The following SMOC2 variants were observed in gnomAD, a reference collection of about 807,000 sequenced individuals.
SMOC2 encodes the protein SPARC related modular calcium binding 2, also known as SPARC-related modular calcium-binding protein 2.
Under a neutral mutation model 61.4 loss-of-function variants are expected in SMOC2, and 39 were observed. The ratio of observed to expected loss-of-function variants is 0.64; its 90% confidence interval spans 0.49 to 0.83. The LOEUF is 0.83. Ranked by LOEUF, SMOC2 falls within the 40% of genes least tolerant of loss-of-function variation. The pLI is 0.00. For missense variants in SMOC2, 556 were observed against 592.9 expected, an observed-to-expected ratio of 0.94 and a Z score of 0.65; for synonymous variants, 247 against 239.9, an observed-to-expected ratio of 1.03 and a Z score of -0.27.
At chr6:168,601,039 C>G (rs1422409815) in intron 8 of SMOC2, among the ~76,000 whole-genome samples, 1 of 152,204 alleles carries the variant, frequency 6.6e-6, no homozygotes, top group Non-Finnish European at 1.5e-5. Flanking sequence ...AAAATATGAT[C>G]TCTTAAATGT....
rs1417100018 is a variant in SMOC2, at chr6:168,584,038, C to A, written c.638-14780C>A. 2.6e-5 allele frequency among the ~76,000 whole-genome samples: 4 copies of A among 152,350 alleles called. No homozygotes were observed. The East Asian group carries it at 7.7e-4, about 29-fold the overall frequency. ...GGAGGTAAACAAACTCTAGTCCCTA[C>A]ACGTCAGAGCAGCACAGCAGCAGGC... On this transcript the variant is annotated intron_variant, in intron 7 of 12. Transcript: ENST00000356284.
intron 1 of SMOC2, among the ~76,000 whole-genome samples, chr6:168,461,167 A>G (rs1287251305): frequency 6.6e-6 from 1 of 152,212 alleles, no homozygotes; most frequent in Non-Finnish European, 1.5e-5. Context: ...GCAGGAGGCA[A>G]AGAGAGCTTG....
At chr6:168,626,748 C>T (rs192678018) in intron 9 of SMOC2, among the ~76,000 whole-genome samples, 15 of 152,298 alleles carry the variant, frequency 9.8e-5, no homozygotes, top group Middle Eastern at 3.4e-3. Context: ...TTGGAGAGTG[C>T]GCCAGGAAGT....
intron 12 of SMOC2, chr6:168,664,817 G>C (rs940148463): frequency 2.1e-6 from 1 of 470,904 alleles, no homozygotes; most frequent in Non-Finnish European, 4.4e-6. Flanking sequence ...AACATGAGTG[G>C]GTTCATGTCT....
chr6:168,502,870 G>A (rs954309163), intron 1 of SMOC2, among the ~76,000 whole-genome samples: 10 of 151,900 alleles, frequency 6.6e-5, no homozygotes, highest in African/African-American at 2.4e-5. Flanking sequence ...GGGTTTAAGC[G>A]ATTATCCTGC....
intron 8 of SMOC2, among the ~76,000 whole-genome samples, chr6:168,602,867 G>T (rs4429920): frequency 0.47 from 71,354 of 151,868 alleles, 17,019 homozygotes; most frequent in Admixed American, 0.57. Flanking sequence ...GGCTGGGGAG[G>T]GTTGTTTCAG....
At chr6:168,509,805 C>G (rs1018236163) in intron 1 of SMOC2, 110 bp from the exon 2 acceptor site, 81 of 1,112,200 alleles carry the variant, frequency 7.3e-5, no homozygotes, top group Middle Eastern at 2.8e-4. Context: ...GGTGTTATCC[C>G]TCAAGCTTTC....
chr6:168,642,030 T>C (rs1295438738), intron 9 of SMOC2, among the ~76,000 whole-genome samples: 1 of 152,250 alleles, frequency 6.6e-6, no homozygotes, highest in Non-Finnish European at 1.5e-5. Context: ...TGTGAAGTTT[T>C]ATGCTTTTTC....
chr6:168,533,014 T>C (rs139237429), intron 4 of SMOC2, among the ~76,000 whole-genome samples: 41 of 150,398 alleles, frequency 2.7e-4, no homozygotes, highest in Admixed American at 4.0e-4. Flanking sequence ...AATTTATAAT[T>C]TGGTTTTAAT....
In SMOC2 at chr6:168,587,739, G is replaced by A. The variant is rs116298237; in HGVS notation, c.638-11079G>A. Among the ~76,000 whole-genome samples the A allele has an allele frequency of 3.1e-3, 472 of 152,284 alleles. 2 individuals are homozygous for A. Among genetic ancestry groups the A allele is most frequent in the African/African-American group, 0.011 (453 of 41,554 alleles). ...TGGGAATTTCCTGCAGGCAAACAGC[G>A]AGGGAGGTCTGTAGCTTTTTTACCT... is the stretch of plus-strand genomic sequence containing the variant. On this transcript the variant is annotated intron_variant, in intron 7 of 12. Transcript: ENST00000356284.
At chr6:168,491,519 T>G (rs1044386519) in intron 1 of SMOC2, among the ~76,000 whole-genome samples, 4 of 152,106 alleles carry the variant, frequency 2.6e-5, no homozygotes, top group Non-Finnish European at 4.4e-5. Flanking sequence ...GTATTTGGGA[T>G]CAATTCAGCT....
At chr6:168,626,726 G>A (rs972614827) in intron 9 of SMOC2, among the ~76,000 whole-genome samples, 2 of 152,198 alleles carry the variant, frequency 1.3e-5, no homozygotes, top group Admixed American at 6.5e-5. Context: ...TGTGTTTAAC[G>A]GCCTGTGTAT....
At chr6:168,481,060 A>G (rs1269758614) in intron 1 of SMOC2, among the ~76,000 whole-genome samples, 3 of 152,194 alleles carry the variant, frequency 2.0e-5, no homozygotes, top group Non-Finnish European at 4.4e-5. Flanking sequence ...TCTTACCAGT[A>G]AACCTTTCCT....
chr6:168,660,870 A>G (rs1260099315), intron 11 of SMOC2, among the ~76,000 whole-genome samples: 2 of 152,234 alleles, frequency 1.3e-5, no homozygotes, highest in Non-Finnish European at 2.9e-5. Context: ...TTCTGATGCC[A>G]TTGTCTTAGG....
intron 9 of SMOC2, among the ~76,000 whole-genome samples, chr6:168,625,748 C>T (rs1483279584): frequency 2.6e-5 from 4 of 152,194 alleles, no homozygotes; most frequent in African/African-American, 7.2e-5. Context: ...AAAGCAAATG[C>T]GCCTGTCCAC....
chr6:168,633,191 G>A (rs909552720), intron 9 of SMOC2, among the ~76,000 whole-genome samples: 1 of 152,140 alleles, frequency 6.6e-6, no homozygotes, highest in Non-Finnish European at 1.5e-5. Flanking sequence ...CGGAAAATTT[G>A]GTGTATTCAG....
intron 7 of SMOC2, among the ~76,000 whole-genome samples, chr6:168,597,163 G>T (rs1177286594): frequency 6.6e-6 from 1 of 152,168 alleles, no homozygotes; most frequent in Non-Finnish European, 1.5e-5. Context: ...AGTCTAAAAG[G>T]TAACATTTGT....
At chr6:168,511,811 G>GTTTTT (rs144317852) in intron 2 of SMOC2, among the ~76,000 whole-genome samples, 29,967 of 130,106 alleles carry the variant, frequency 0.23, 4,718 homozygotes, top group Non-Finnish European at 0.33. Context: ...ATTATCAAGG[G>GTTTTT]TTGTTTTTTT....
At chr6:168,559,738 A>G (rs1389293100) in intron 7 of SMOC2, among the ~76,000 whole-genome samples, 1 of 152,132 alleles carries the variant, frequency 6.6e-6, no homozygotes, top group East Asian at 1.9e-4. Context: ...CCCTCTCCCT[A>G]GCTGTGAGCA....
Sources: gnomAD v4.1 joint callset for allele counts (sites outside exome capture counted in the v4.1 genomes callset) on GRCh38, gnomAD v4.1.1 for gene constraint, MANE v1.5 for transcripts, NCBI Gene and HGNC (gene_info 2026-07-23, HGNC 2026-07-21) for gene names.